The following MCM9 variants were observed in gnomAD, a reference collection of about 807,000 sequenced individuals.
MCM9 encodes DNA helicase MCM9.
MCM9 carries 55 observed loss-of-function variants against 72.8 expected under a neutral mutation model. The observed-to-expected ratio is 0.76, with a 90% CI of 0.61 to 0.95. MCM9 has a LOEUF of 0.95. MCM9 is among the 40% of genes least tolerant of loss of function. The pLI is 0.00. For synonymous variants in MCM9, 480 were observed against 503.4 expected, an observed-to-expected ratio of 0.95 and a Z score of 0.62; for missense variants, 1,279 against 1,377.0, an observed-to-expected ratio of 0.93 and a Z score of 1.13.
chr6:118,843,722 A>ATGTGTGTGTGTGTATG (rs537080590), intron 9 of MCM9, among the ~76,000 whole-genome samples: 1 of 81,608 alleles, frequency 1.2e-5, no homozygotes, highest in African/African-American at 4.8e-5. Flanking sequence ...ATATATATGT[A>ATGTGTGTGTGTGTATG]TATATATATA....
At chr6:118,894,186 C>T (rs1247681808) in intron 8 of MCM9, 35 of 1,308,670 alleles carry the variant, frequency 2.7e-5, no homozygotes, top group Non-Finnish European at 3.3e-5. Context: ...GGCAACGCTG[C>T]TACTTATCAG....
intron 8 of MCM9, among the ~76,000 whole-genome samples, chr6:118,882,792 A>C (rs912104782): frequency 6.6e-6 from 1 of 152,176 alleles, no homozygotes; most frequent in Admixed American, 6.5e-5. Context: ...GACTTCAAGA[A>C]ATGAACCTAG....
At chr6:118,905,359 T>C (rs1019883965) in intron 8 of MCM9, among the ~76,000 whole-genome samples, 2 of 42,674 alleles carry the variant, frequency 4.7e-5, no homozygotes, top group Non-Finnish European at 8.4e-5. Context: ...TAATGAATAG[T>C]GTATAATCCT....
rs752922936 is a variant in MCM9, at chr6:118,827,967, G to A, written c.1692C>T (p.Thr564=). 2.6e-5 allele frequency: 41 copies of A among 1,550,904 alleles called. No homozygotes were observed. In the African/African-American group the frequency reaches 5.3e-4, roughly 20 times the overall value. The change falls in exon 11 of 14, where the codon ACC becomes ACT. Residue 564 remains threonine (T), a synonymous_variant. Transcript: ENST00000619706. ...RQSDCRNAAR[T]TIRLLESLIR... is the part of the protein sequence containing the mutation. ...TCAAGCTTTCCAACAGCCGAATGGTGGTCCGGGCAGCGTTCCGGCAATCAC... is the reference window on the plus strand; with the variant it reads ...TCAAGCTTTCCAACAGCCGAATGGTAGTCCGGGCAGCGTTCCGGCAATCAC...
intron 9 of MCM9, among the ~76,000 whole-genome samples, chr6:118,835,336 CT>C (rs1325425932): frequency 6.6e-6 from 1 of 152,038 alleles, no homozygotes; most frequent in East Asian, 1.9e-4. Flanking sequence ...TATATGGGCT[CT>C]TTTTTGGTTC....
At chr6:118,881,939 G>A (rs1778311790) in intron 8 of MCM9, among the ~76,000 whole-genome samples, 1 of 152,142 alleles carries the variant, frequency 6.6e-6, no homozygotes, top group Non-Finnish European at 1.5e-5. Flanking sequence ...AAGAAGAGGA[G>A]CTCCCTATGA....
chr6:118,843,724 A>ATG (rs1385622328), intron 9 of MCM9, among the ~76,000 whole-genome samples: 1 of 118,888 alleles, frequency 8.4e-6, no homozygotes, highest in Non-Finnish European at 1.8e-5. Context: ...ATATATGTAT[A>ATG]TATATATATA....
intron 8 of MCM9, among the ~76,000 whole-genome samples, chr6:118,910,351 A>G (rs1780456197): frequency 6.6e-6 from 1 of 152,162 alleles, no homozygotes; most frequent in Non-Finnish European, 1.5e-5. Context: ...AGAAGTAGCA[A>G]TAACTATTCT....
intron 9 of MCM9, among the ~76,000 whole-genome samples, chr6:118,830,056 A>C (rs1351795754): frequency 6.6e-6 from 1 of 152,182 alleles, no homozygotes; most frequent in Non-Finnish European, 1.5e-5. Context: ...GTAGAGGGAC[A>C]AGGTAGTCCT....
chr6:118,838,335 A>G (rs537746402), intron 9 of MCM9, among the ~76,000 whole-genome samples: 1 of 151,618 alleles, frequency 6.6e-6, no homozygotes, highest in Non-Finnish European at 1.5e-5. Flanking sequence ...GCTTTTTTGT[A>G]TCTTTATTAG....
chr6:118,871,698 C>T (rs531384763), intron 8 of MCM9, among the ~76,000 whole-genome samples: 1 of 151,990 alleles, frequency 6.6e-6, no homozygotes, highest in African/African-American at 2.4e-5. Flanking sequence ...GGGCAGATCA[C>T]GAGGTCAGGA....
intron 13 of MCM9, 131 bp downstream of exon 13, chr6:118,826,016 G>T: frequency 2.2e-6 from 2 of 921,128 alleles, no homozygotes; most frequent in Non-Finnish European, 1.6e-6. Context: ...GATAGTATCT[G>T]CCTGTCCTAA....
chr6:118,927,668 T>C (rs1331897097), intron 3 of MCM9, among the ~76,000 whole-genome samples: 1 of 151,938 alleles, frequency 6.6e-6, no homozygotes, highest in East Asian at 1.9e-4. Flanking sequence ...TGAAGTGATG[T>C]ATCAATGAAG....
intron 3 of MCM9, among the ~76,000 whole-genome samples, chr6:118,926,762 G>A (rs1781929189): frequency 6.6e-6 from 1 of 152,116 alleles, no homozygotes; most frequent in Admixed American, 6.6e-5. Flanking sequence ...ATTCTTGTTT[G>A]AACAGTTTTC....
chr6:118,906,418 A>G, intron 8 of MCM9, among the ~76,000 whole-genome samples: 1 of 152,168 alleles, frequency 6.6e-6, no homozygotes, highest in Non-Finnish European at 1.5e-5. Flanking sequence ...CTTTCTTTAT[A>G]GCATTTCCCA....
Position 118,815,914 on chromosome 6 carries a change from G to A in MCM9, c.2342C>T (p.Ser781Phe). ...TGGCTCACTCTTCTCCTTACCCTGA[G>A]ATGTGCTGTTAGAGATCTTCGAAGC... ...NMASKISNST[S>F]QGKEKSEPGQ... The change falls in exon 14 of 14, where the codon TCT (serine) becomes TTT (phenylalanine). Residue 781 changes from serine to phenylalanine, a missense_variant. By Grantham distance (155) the Ser-to-Phe change is radical (BLOSUM62 -2). Transcript: ENST00000619706. 6.5e-7 allele frequency: 1 copy of A among 1,547,430 alleles called. No homozygotes were observed. Among genetic ancestry groups the A allele is most frequent in the Non-Finnish European group, 8.7e-7 (1 of 1,146,946 alleles).
chr6:118,829,182 G>T lies in MCM9; in HGVS notation c.1394C>A (p.Pro465His), dbSNP rs1191432013. 2 of 1,550,666 alleles carry T rather than the reference G, an allele frequency of 1.3e-6. No individual in the cohort carries two copies. The highest frequency in any genetic ancestry group is 1.7e-6 in the Non-Finnish European group (2 of 1,147,026). ...AATNPKGQYD[P>H]QESVSVNIAL... ...AATGTTCACAGACACGGACTCCTGGGGGTCGTACTGGCCTTTGGGGTTCGT... is the reference window on the plus strand; with the variant it reads ...AATGTTCACAGACACGGACTCCTGGTGGTCGTACTGGCCTTTGGGGTTCGT... The change falls in exon 10 of 14, where the codon CCC becomes CAC. Residue 465 changes from proline to histidine, a missense_variant. Transcript: ENST00000619706.
chr6:118,834,556 G>A (rs906674391), intron 9 of MCM9, among the ~76,000 whole-genome samples: 5 of 152,126 alleles, frequency 3.3e-5, no homozygotes, highest in Admixed American at 6.6e-5. Context: ...CATTCTAAAT[G>A]GTGTGACATA....
In MCM9 at chr6:118,815,978, C is replaced by A; in HGVS notation, c.2278G>T (p.Val760Phe). 5 of 1,550,518 alleles carry A rather than the reference C, an allele frequency of 3.2e-6. No homozygotes were observed. Among genetic ancestry groups the A allele is most frequent in the Non-Finnish European group, 4.4e-6 (5 of 1,146,964 alleles). ...GATGTTTTGGGATGAGGAGACACAACAACAGTGTTTTTAGGTTCACTCTGA... is the reference window on the plus strand; with the variant it reads ...GATGTTTTGGGATGAGGAGACACAAAAACAGTGTTTTTAGGTTCACTCTGA... ...THQSEPKNTV[V>F]VSPHPKTSGE... Residue 760 changes from valine to phenylalanine, a missense_variant, in exon 14 of 14, where the codon GTT becomes TTT. Transcript: ENST00000619706.
Sources: allele counts gnomAD v4.1 joint callset (sites outside exome capture counted in the v4.1 genomes callset), GRCh38; gene constraint gnomAD v4.1.1; transcripts MANE v1.5; gene names NCBI Gene and HGNC (gene_info 2026-07-23, HGNC 2026-07-21).